Variants in SPAST observed in about 807,000 individuals in gnomAD.
The protein encoded by SPAST is spastic paraplegia 4 (autosomal dominant; spastin).
SPAST carries 30 observed loss-of-function variants against 76.6 expected under a neutral mutation model. That is an observed-to-expected ratio of 0.39 (90% CI 0.29 to 0.53). SPAST has a LOEUF of 0.53. Among genes scored for constraint, SPAST ranks in the 20% least tolerant of loss-of-function variants. The pLI, the probability that SPAST is intolerant of heterozygous loss-of-function variation, is 0.68. For missense variants in SPAST, 717 were observed against 770.5 expected, an observed-to-expected ratio of 0.93 and a Z score of 0.82; for synonymous variants, 305 against 281.0, an observed-to-expected ratio of 1.09 and a Z score of -0.86.
At chr2:32,067,583 A>G (rs1000321448) in intron 1 of SPAST, among the ~76,000 whole-genome samples, 6 of 152,064 alleles carry the variant, frequency 3.9e-5, no homozygotes, top group Non-Finnish European at 8.8e-5. Flanking sequence ...GAATATATCT[A>G]TTATACTTAA....
rs1553316807 is a variant in SPAST, at chr2:32,126,963, A to G, written c.1114A>G (p.Arg372Gly). The G allele has an allele frequency of 6.2e-7, 1 of 1,610,990 alleles. No homozygotes were observed. The highest frequency in any genetic ancestry group is 8.5e-7 in the Non-Finnish European group (1 of 1,177,136). Residue 372 changes from arginine to glycine, a missense_variant, in exon 8 of 17, where the codon AGA becomes GGA. This residue lies in a region of SPAST where 78 missense variants were observed against 197.6 expected (regional missense o/e 0.39). Transcript: ENST00000315285. ...TATTTTTTAGTTGTTCACAGGGCTT[A>G]GAGCTCCTGCCAGAGGGCTGTTACT... ...SLRPELFTGL[R>G]APARGLLLFG...
chr2:32,125,381 G>A (rs1679155946), intron 7 of SPAST, among the ~76,000 whole-genome samples: 2 of 151,888 alleles, frequency 1.3e-5, no homozygotes, highest in South Asian at 4.1e-4. Flanking sequence ...GTGCCACCAC[G>A]CCCAGCTAAT....
chr2:32,096,778 AT>A (rs1345555977), intron 3 of SPAST, among the ~76,000 whole-genome samples: 1 of 151,940 alleles, frequency 6.6e-6, no homozygotes, highest in Non-Finnish European at 1.5e-5. Flanking sequence ...AAATCAGTGT[AT>A]TTTTTGATTT....
intron 1 of SPAST, among the ~76,000 whole-genome samples, chr2:32,083,707 TTATACTATATATATTTATA>T (rs199616307): frequency 0.071 from 6,378 of 89,978 alleles, 516 homozygotes; most frequent in Non-Finnish European, 0.087. Context: ...ATATATATTT[TTATACTATATATATTTATA>T]TATACTATAT....
At chr2:32,092,272 G>T (rs1170348119) in intron 3 of SPAST, among the ~76,000 whole-genome samples, 2 of 152,120 alleles carry the variant, frequency 1.3e-5, no homozygotes, top group African/African-American at 4.8e-5. Flanking sequence ...TTATTACTGT[G>T]TCAGATATAA....
chr2:32,127,026 AG>A lies in SPAST; in HGVS notation c.1173+7del, dbSNP rs751849438. 1.2e-6 allele frequency: 2 copies of A among 1,601,192 alleles called. No individual in the cohort carries two copies. Among genetic ancestry groups the A allele is most frequent in the Admixed American group, 1.7e-5 (1 of 60,004 alleles). On this transcript the variant is annotated splice_donor_5th_base_variant and intron_variant, in intron 8 of 16. Coordinates refer to ENST00000315285, the MANE Select transcript of SPAST (RefSeq NM_014946.4). ...TGGGAATGGGAAGACAATGCTGGTA[AG>A]GGTTCTCTTCAAATTTGAGTTTTCT...
intron 1 of SPAST, among the ~76,000 whole-genome samples, chr2:32,070,673 A>G (rs1010978506): frequency 6.6e-6 from 1 of 152,198 alleles, no homozygotes; most frequent in Non-Finnish European, 1.5e-5. Context: ...TCTGTTGTTC[A>G]GGCTGGAGTG....
chr2:32,151,142 T>A (rs534119475), intron 16 of SPAST, among the ~76,000 whole-genome samples: 2 of 152,114 alleles, frequency 1.3e-5, no homozygotes, highest in South Asian at 4.1e-4. Context: ...GGGGTTTCAC[T>A]ATGTTGGTCA....
intron 3 of SPAST, among the ~76,000 whole-genome samples, chr2:32,096,671 T>G (rs1247930775): frequency 6.6e-6 from 1 of 152,070 alleles, no homozygotes; most frequent in African/African-American, 2.4e-5. Flanking sequence ...ATAATTTCTT[T>G]CTTTTTATTA....
chr2:32,126,675 C>A, intron 7 of SPAST: 2 of 254,604 alleles, frequency 7.9e-6, no homozygotes, highest in Non-Finnish European at 7.4e-6. Context: ...TTTGTAGAAG[C>A]AGAGTTCCCC....
rs372710824 is a variant in SPAST at position 32,134,852 on chromosome 2, C to T, written c.1246-1711C>T. On this transcript the variant is annotated intron_variant, in intron 9 of 16. Transcript: ENST00000315285. ...CTGGGATTACAGGCATGCGCCACCA[C>T]GCCCGGCTAATTTTTGTAGTTTTAG... 2.6e-5 allele frequency among the ~76,000 whole-genome samples: 4 copies of T among 151,984 alleles called. No homozygotes were observed. The East Asian group carries it at 7.8e-4, about 30-fold the overall frequency.
chr2:32,152,700 G>T (rs541073828), intron 16 of SPAST, among the ~76,000 whole-genome samples: 3 of 151,674 alleles, frequency 2.0e-5, no homozygotes, highest in Non-Finnish European at 4.4e-5. Context: ...AACAAGTAGG[G>T]TTCATATAGT....
Position 32,103,678 on chromosome 2 carries a change from G to T in SPAST, c.682+4787G>T, listed in dbSNP as rs187284463. ...TCTGATATGTTGTGTCTTTGTTCTC[G>T]TTGGTTTCAAAGAACATCTTTATTT... On this transcript the variant is annotated intron_variant, in intron 4 of 16. Coordinates refer to ENST00000315285, the MANE Select transcript of SPAST (RefSeq NM_014946.4). Among the ~76,000 whole-genome samples, 866 of 152,030 alleles carry T rather than the reference G, an allele frequency of 5.7e-3. 5 individuals are homozygous for T. Among genetic ancestry groups the T allele is most frequent in the South Asian group, 7.9e-3 (38 of 4,804 alleles).
At chr2:32,143,046 G>A (rs1247613519) in intron 13 of SPAST, among the ~76,000 whole-genome samples, 3 of 152,012 alleles carry the variant, frequency 2.0e-5, no homozygotes, top group Admixed American at 6.6e-5. Context: ...TGGGAGGATC[G>A]CTTGAGCCAG....
At chr2:32,110,163 G>A (rs543028410) in intron 4 of SPAST, among the ~76,000 whole-genome samples, 9 of 143,948 alleles carry the variant, frequency 6.3e-5, no homozygotes, top group African/African-American at 2.0e-4. Flanking sequence ...CTGTCCCCCA[G>A]GCTGGAATGC....
At chr2:32,121,385 C>A (rs1679012855) in intron 7 of SPAST, among the ~76,000 whole-genome samples, 2 of 152,072 alleles carry the variant, frequency 1.3e-5, no homozygotes, top group Non-Finnish European at 2.9e-5. Context: ...AGGTGATCCG[C>A]CCTCCTCAGC....
At chr2:32,090,063 C>T (rs961695721) in intron 3 of SPAST, among the ~76,000 whole-genome samples, 5 of 152,196 alleles carry the variant, frequency 3.3e-5, no homozygotes, top group East Asian at 1.9e-4. Context: ...CGCGCCCAGC[C>T]GAGCATAATG....
Position 32,154,656 on chromosome 2 carries a change from T to A in SPAST, c.*160T>A. ...TTGAAGATGAACCAGAAAACAGACT[T>A]AAACAAAATATACAATGCAAATGTA... On this transcript the variant is annotated 3_prime_UTR_variant, in exon 17 of 17. Coordinates refer to ENST00000315285, the MANE Select transcript of SPAST (RefSeq NM_014946.4). The A allele has an allele frequency of 1.4e-6, 1 of 717,118 alleles. No individual in the cohort carries two copies. Among genetic ancestry groups the A allele is most frequent in the Non-Finnish European group, 2.3e-6 (1 of 427,936 alleles). 44.4% of individuals were successfully genotyped at this position (717,118 alleles called of 1,614,324 possible). A position where few individuals can be genotyped will look rare whatever the true frequency, so the allele number is the denominator to read the frequency against.
intron 4 of SPAST, among the ~76,000 whole-genome samples, chr2:32,101,400 C>T (rs1182257688): frequency 6.6e-6 from 1 of 152,088 alleles, no homozygotes; most frequent in East Asian, 1.9e-4. Context: ...AATTTTCTCC[C>T]ATTCTATAGG....
Sources: gnomAD v4.1 joint callset for allele counts (sites outside exome capture counted in the v4.1 genomes callset) on GRCh38, gnomAD v4.1.1 for gene constraint, gnomAD v4.1.1 regional missense constraint, MANE v1.5 for transcripts, NCBI Gene and HGNC (gene_info 2026-07-23, HGNC 2026-07-21) for gene names.